Variants in HYAL4 observed in about 807,000 individuals in gnomAD.
HYAL4 encodes the protein hyaluronidase 4.
A neutral mutation model predicts 35.2 loss-of-function variants in HYAL4; 37 were observed. That is an observed-to-expected ratio of 1.05 (90% CI 0.81 to 1.38). The LOEUF is 1.38. Ranked by LOEUF, HYAL4 falls within the 40% of genes most tolerant of loss-of-function variation. The pLI, the probability that HYAL4 is intolerant of heterozygous loss-of-function variation, is 0.00. For synonymous variants in HYAL4, 198 were observed against 203.2 expected (o/e 0.97, Z 0.22); for missense variants, 572 against 572.4 (o/e 1.00, Z 0.01).
intron 2 of HYAL4, among the ~76,000 whole-genome samples, chr7:123,864,393 A>C (rs933156179): frequency 4.6e-5 from 7 of 152,192 alleles, no homozygotes; most frequent in Non-Finnish European, 1.0e-4. Flanking sequence ...GGACAAGTCC[A>C]GGTTAAATTC....
chr7:123,874,259 A>T (rs991912518), intron 3 of HYAL4, among the ~76,000 whole-genome samples: 1 of 152,184 alleles, frequency 6.6e-6, no homozygotes, highest in Non-Finnish European at 1.5e-5. Context: ...TTTGCATATG[A>T]TTACAGAGTG....
chr7:123,789,430 A>G, the HYAL4 span, among the ~76,000 whole-genome samples: 2 of 152,318 alleles, frequency 1.3e-5, no homozygotes, highest in East Asian at 3.9e-4. Context: ...AACACCTTGA[A>G]CAATGACATA....
chr7:123,776,693 G>A, the HYAL4 span, among the ~76,000 whole-genome samples: 3 of 152,160 alleles, frequency 2.0e-5, no homozygotes, highest in Non-Finnish European at 2.9e-5. Flanking sequence ...TGCTGTGATT[G>A]TAGGTGTGAA....
At chr7:123,858,818 C>A (rs1806517759) in intron 2 of HYAL4, among the ~76,000 whole-genome samples, 1 of 152,134 alleles carries the variant, frequency 6.6e-6, no homozygotes, top group African/African-American at 2.4e-5. Flanking sequence ...GAAACTTCTT[C>A]TAGTGTGCTG....
chr7:123,792,117 G>C, the HYAL4 span, among the ~76,000 whole-genome samples: 1 of 151,852 alleles, frequency 6.6e-6, no homozygotes, highest in African/African-American at 2.4e-5. Context: ...ATAGAGCCCT[G>C]ACCTCATTGT....
At chr7:123,800,876 G>A in the HYAL4 span, among the ~76,000 whole-genome samples, 2 of 151,732 alleles carry the variant, frequency 1.3e-5, no homozygotes, top group African/African-American at 4.8e-5. Context: ...GCCCAGGCTG[G>A]TCTTGAGCTC....
At chr7:123,811,905 A>G in the HYAL4 span, among the ~76,000 whole-genome samples, 23 of 151,934 alleles carry the variant, frequency 1.5e-4, no homozygotes, top group African/African-American at 5.6e-4. Flanking sequence ...GCGGTGGCAC[A>G]ATCTCAGCTC....
chr7:123,865,490 A>T (rs1806666661), intron 2 of HYAL4, among the ~76,000 whole-genome samples: 1 of 152,212 alleles, frequency 6.6e-6, no homozygotes, highest in South Asian at 2.1e-4. Context: ...GATATATTTC[A>T]TGCTACTAAG....
upstream of HYAL4, among the ~76,000 whole-genome samples, chr7:123,841,940 C>A (rs1806079555): frequency 6.6e-6 from 1 of 151,890 alleles, no homozygotes; most frequent in South Asian, 2.1e-4. Context: ...TTTCAAAAAA[C>A]CAGCTCCTGG....
chr7:123,857,033 C>T (rs1392590472), intron 2 of HYAL4, among the ~76,000 whole-genome samples: 1 of 152,144 alleles, frequency 6.6e-6, no homozygotes, highest in Admixed American at 6.5e-5. Context: ...GACGCCCCTC[C>T]CTCACCAAGC....
the HYAL4 span, among the ~76,000 whole-genome samples, chr7:123,816,129 A>G: frequency 6.6e-6 from 1 of 152,168 alleles, no homozygotes; most frequent in African/African-American, 2.4e-5. Flanking sequence ...GGCACTTCTT[A>G]TATTAGAAGG....
the HYAL4 span, among the ~76,000 whole-genome samples, chr7:123,797,085 T>C: frequency 3.3e-5 from 5 of 152,332 alleles, no homozygotes; most frequent in African/African-American, 9.6e-5. Context: ...TATATTCACA[T>C]ACTATAAAAT....
the HYAL4 span, among the ~76,000 whole-genome samples, chr7:123,812,837 G>T: frequency 6.6e-6 from 1 of 152,048 alleles, no homozygotes. Context: ...GGGAGTGGGA[G>T]TCAAATTAAG....
intron 2 of HYAL4, among the ~76,000 whole-genome samples, chr7:123,855,007 G>T (rs528897998): frequency 9.3e-4 from 142 of 152,138 alleles, no homozygotes; most frequent in Non-Finnish European, 1.4e-3. Flanking sequence ...ATCTTTGTTG[G>T]TTTAAAGTCT....
chr7:123,841,728 G>GTATATA (rs1806070287), upstream of HYAL4, among the ~76,000 whole-genome samples: 1 of 151,972 alleles, frequency 6.6e-6, no homozygotes, highest in African/African-American at 2.4e-5. Context: ...TTGGGAGGGT[G>GTATATA]TATATGTCCA....
chr7:123,824,546 A>G (rs1304582585), upstream of HYAL4, among the ~76,000 whole-genome samples: 2 of 152,030 alleles, frequency 1.3e-5, no homozygotes, highest in Admixed American at 1.3e-4. Context: ...ATTTGGTTAC[A>G]GGAAACCCCC....
the HYAL4 span, among the ~76,000 whole-genome samples, chr7:123,790,015 G>T: frequency 1.2e-4 from 19 of 152,258 alleles, no homozygotes; most frequent in Non-Finnish European, 2.1e-4. Context: ...GAAAATTCTG[G>T]CAGGTGTTTA....
At chr7:123,864,019 G>A (rs529550123) in intron 2 of HYAL4, among the ~76,000 whole-genome samples, 2 of 152,272 alleles carry the variant, frequency 1.3e-5, no homozygotes, top group African/African-American at 4.8e-5. Context: ...TTCACTGTCA[G>A]GAGGAAGGGG....
At chr7:123,824,997 C>T (rs1461610788), upstream of HYAL4, among the ~76,000 whole-genome samples, 1 of 152,104 alleles carries the variant, frequency 6.6e-6, no homozygotes, top group Non-Finnish European at 1.5e-5. Context: ...CAGAACATTC[C>T]TTCTGCCCTG....
Sources: gnomAD v4.1 joint callset for allele counts (sites outside exome capture counted in the v4.1 genomes callset) on GRCh38, gnomAD v4.1.1 for gene constraint, MANE v1.5 for transcripts, NCBI Gene and HGNC (gene_info 2026-07-23, HGNC 2026-07-21) for gene names.